GOSR1: variants seen among roughly 807,000 people sequenced by gnomAD.
GOSR1 encodes golgi SNAP receptor complex member 1.
In GOSR1, 21 loss-of-function variants were observed where a neutral mutation model predicts 35.5. The ratio of observed to expected loss-of-function variants is 0.59; its 90% CI spans 0.42 to 0.85. The LOEUF is 0.85. Among genes scored for constraint, GOSR1 ranks in the 40% least tolerant of loss-of-function variants. GOSR1 has a pLI of 0.00. For synonymous variants in GOSR1, 94 were observed against 106.6 expected (o/e 0.88, Z 0.73); for missense variants, 285 against 309.6 (o/e 0.92, Z 0.60).
chr17:30,487,725 A>G (rs1344714226), intron 4 of GOSR1, among the ~76,000 whole-genome samples: 5 of 152,160 alleles, frequency 3.3e-5, no homozygotes, highest in Middle Eastern at 3.2e-3. Flanking sequence ...GCAGTTTAGC[A>G]CTACCAGAAT....
chr17:30,485,648 G>A (rs1914634988), intron 4 of GOSR1, among the ~76,000 whole-genome samples: 1 of 152,182 alleles, frequency 6.6e-6, no homozygotes, highest in South Asian at 2.1e-4. Flanking sequence ...ATAGGCATGA[G>A]CCGCTGTACC....
chr17:30,490,282 G>A (rs1220474475), intron 5 of GOSR1, 65 bp downstream of exon 5: 17 of 768,228 alleles, frequency 2.2e-5, no homozygotes, highest in African/African-American at 6.9e-5. Context: ...ATATGTTCAC[G>A]GTTAATTGCA....
At chr17:30,507,499 G>A (rs1967446525) in intron 6 of GOSR1, among the ~76,000 whole-genome samples, 1 of 152,188 alleles carries the variant, frequency 6.6e-6, no homozygotes, top group African/African-American at 2.4e-5. Context: ...AAGAGGAGCG[G>A]ATCACCCGAG....
rs1388426101 is a variant in GOSR1, at chr17:30,526,583, A to G, written c.*4205A>G. 2 of 152,636 alleles carry G rather than the reference A, an allele frequency of 1.3e-5. No individual in the cohort carries two copies. Among genetic ancestry groups the G allele is most frequent in the Non-Finnish European group, 1.5e-5 (1 of 68,030 alleles). 9.5% of individuals were successfully genotyped at this position (152,636 alleles called of 1,614,324 possible). A position where few individuals can be genotyped will look rare whatever the true frequency, so the allele number is the denominator to read the frequency against. On this transcript the variant is annotated 3_prime_UTR_variant, in exon 9 of 9. Transcript: ENST00000451249. ...TAAGGGAGGAGGGAAATCAATTCCA[A>G]CCATACTTTCCTGTGATGGAAGATG...
Position 30,525,271 on chromosome 17 carries a change from T to C in GOSR1, c.*2893T>C, listed in dbSNP as rs1968164995. 1 of 152,172 alleles carries C rather than the reference T, an allele frequency of 6.6e-6. No homozygotes were observed. The highest frequency in any genetic ancestry group is 1.5e-5 in the Non-Finnish European group (1 of 68,032). 9.4% of individuals were successfully genotyped at this position (152,172 alleles called of 1,614,324 possible). ...CTGGTTTGGTACAGAGACTGAGAAGTTTTTCATTCTGGTGTCAAAGTTTTG... is the reference window on the plus strand; with the variant it reads ...CTGGTTTGGTACAGAGACTGAGAAGCTTTTCATTCTGGTGTCAAAGTTTTG... On this transcript the variant is annotated 3_prime_UTR_variant, in exon 9 of 9. Transcript: ENST00000451249.
intron 6 of GOSR1, among the ~76,000 whole-genome samples, chr17:30,499,389 TG>T (rs1462145648): frequency 6.8e-6 from 1 of 147,260 alleles, no homozygotes; most frequent in Non-Finnish European, 1.5e-5. Context: ...TTACCCAGGC[TG>T]GAGTGCAGTG....
chr17:30,499,347 T>C (rs955427167), intron 6 of GOSR1, among the ~76,000 whole-genome samples: 1 of 150,390 alleles, frequency 6.6e-6, no homozygotes, highest in African/African-American at 2.4e-5. Context: ...TTCCTCTTTT[T>C]TTTTTTTTTT....
At chr17:30,494,192 A>AACACACAC (rs143873080) in intron 6 of GOSR1, among the ~76,000 whole-genome samples, 60,841 of 150,338 alleles carry the variant, frequency 0.4, 12,801 homozygotes, top group East Asian at 0.8. Context: ...GCCATACTTA[A>AACACACAC]ACACACACAC....
chr17:30,482,822 G>C (rs1284652254), intron 2 of GOSR1: 1 of 152,220 alleles, frequency 6.6e-6, no homozygotes, highest in African/African-American at 2.4e-5. Flanking sequence ...CAAGTAAAGA[G>C]AATGAAGAAT....
chr17:30,505,294 G>T (rs1330941067), intron 6 of GOSR1, among the ~76,000 whole-genome samples: 1 of 152,182 alleles, frequency 6.6e-6, no homozygotes, highest in East Asian at 1.9e-4. Flanking sequence ...CAGTTACTTG[G>T]GAGGCTGAGG....
At chr17:30,520,388 A>G (rs1228805081) in intron 8 of GOSR1, 1 of 158,530 alleles carries the variant, frequency 6.3e-6, no homozygotes, top group African/African-American at 2.4e-5. Context: ...TGTTTTTCCC[A>G]TTTAGAGATA....
At chr17:30,486,985 TAC>T (rs1914722620) in intron 4 of GOSR1, among the ~76,000 whole-genome samples, 1 of 151,934 alleles carries the variant, frequency 6.6e-6, no homozygotes, top group African/African-American at 2.4e-5. Context: ...ATCATAGACA[TAC>T]AAGAACAACC....
chr17:30,502,115 G>A (rs1439792528), intron 6 of GOSR1, among the ~76,000 whole-genome samples: 1 of 152,200 alleles, frequency 6.6e-6, no homozygotes, highest in Non-Finnish European at 1.5e-5. Context: ...GCTACATACT[G>A]TATAATTTTA....
At position 30,507,895 on chromosome 17, in the gene GOSR1, T is replaced by G. The variant is rs577018118; in HGVS notation, c.510-2985T>G. The stretch of plus-strand genomic sequence containing the variant: ...ACTGGTGAAGACGCTGTAAACATTG[T>G]TGAAATGACAACAAAGGATTCAGAA... On this transcript the variant is annotated intron_variant, in intron 6 of 8. Transcript: ENST00000451249. Among the ~76,000 whole-genome samples the G allele has an allele frequency of 5.3e-5, 8 of 152,300 alleles. No homozygotes were observed. In the East Asian group the frequency reaches 1.3e-3, roughly 26 times the overall value.
intron 6 of GOSR1, among the ~76,000 whole-genome samples, chr17:30,505,049 G>A (rs1333951723): frequency 6.6e-6 from 1 of 152,142 alleles, no homozygotes; most frequent in Non-Finnish European, 1.5e-5. Context: ...AGTTAGAAGT[G>A]TATTTCCACA....
At chr17:30,498,551 C>G (rs1218051981) in intron 6 of GOSR1, among the ~76,000 whole-genome samples, 1 of 152,150 alleles carries the variant, frequency 6.6e-6, no homozygotes, top group African/African-American at 2.4e-5. Context: ...TGATCTGGTT[C>G]TTGAGGAATG....
chr17:30,504,363 CTT>C (rs1967325956), intron 6 of GOSR1, among the ~76,000 whole-genome samples: 1 of 152,154 alleles, frequency 6.6e-6, no homozygotes, highest in South Asian at 2.1e-4. Flanking sequence ...AGCAAACACT[CTT>C]TTCTTTGACT....
rs1968082299 is a variant in GOSR1, at chr17:30,522,750, C to A, written c.*372C>A. 6.3e-6 allele frequency: 1 copy of A among 159,456 alleles called. No individual in the cohort carries two copies. The highest frequency in any genetic ancestry group is 1.4e-5 in the Non-Finnish European group (1 of 72,882). 9.9% of individuals were successfully genotyped at this position (159,456 alleles called of 1,614,324 possible). Reference sequence around the variant, plus strand: ...TCTTCAGAAAACCAGGTTTCTACATCCAAAGACTGCTTTTCTTTTAGCTGC... The same window carrying A: ...TCTTCAGAAAACCAGGTTTCTACATACAAAGACTGCTTTTCTTTTAGCTGC... On this transcript the variant is annotated 3_prime_UTR_variant, in exon 9 of 9. Transcript: ENST00000451249.
chr17:30,493,052 G>A (rs1915142916), intron 6 of GOSR1, among the ~76,000 whole-genome samples: 1 of 150,760 alleles, frequency 6.6e-6, no homozygotes, highest in Admixed American at 6.6e-5. Flanking sequence ...GGAGTGCAGT[G>A]ACTCAATCTC....
Sources: gnomAD v4.1 joint callset for allele counts (sites outside exome capture counted in the v4.1 genomes callset) on GRCh38, gnomAD v4.1.1 for gene constraint, MANE v1.5 for transcripts, NCBI Gene and HGNC (gene_info 2026-07-23, HGNC 2026-07-21) for gene names.